HDAC9: variants seen among roughly 807,000 people sequenced by gnomAD.
The protein encoded by HDAC9 is histone deacetylase 9.
In HDAC9, 41 loss-of-function variants were observed where a neutral mutation model predicts 139.4. That is an observed-to-expected ratio of 0.29 (90% CI 0.23 to 0.38). The LOEUF is 0.38. Ranked by LOEUF, HDAC9 falls within the 10% of genes least tolerant of loss-of-function variation. The probability of loss-of-function intolerance (pLI) is 1.00; values close to 1 mark genes in which losing one functional copy is unlikely to be tolerated. For synonymous variants in HDAC9, 517 were observed against 476.2 expected (o/e 1.09, Z -1.12); for missense variants, 1,147 against 1,297.0 (o/e 0.88, Z 1.78).
chr7:18,250,920 CT>C (rs1794877667), intron 2 of HDAC9, among the ~76,000 whole-genome samples: 1 of 152,006 alleles, frequency 6.6e-6, no homozygotes, highest in Non-Finnish European at 1.5e-5. Context: ...TGTATGTCTT[CT>C]TTTGAAAAGT....
intron 24 of HDAC9, among the ~76,000 whole-genome samples, chr7:18,973,909 C>A (rs1014903538): frequency 2.4e-4 from 36 of 152,264 alleles, no homozygotes; most frequent in African/African-American, 8.2e-4. Flanking sequence ...CCAAAGGGAT[C>A]TTTTAAAAAC....
At chr7:18,970,758 G>A (rs1011917807) in intron 24 of HDAC9, among the ~76,000 whole-genome samples, 3 of 152,100 alleles carry the variant, frequency 2.0e-5, no homozygotes, top group African/African-American at 7.2e-5. Flanking sequence ...ATTTTCCTAT[G>A]AGAACCCGGT....
rs1786436693 is a variant in HDAC9, at chr7:18,996,012, T to C, written c.3171-11T>C. ...TTATGCCGTATTCTGATTGCCTGTT[T>C]ATTTTTACAGAACTGCTGGTGAGCC... is the stretch of plus-strand genomic sequence containing the variant. On this transcript the variant is annotated splice_polypyrimidine_tract_variant and intron_variant, in intron 25 of 25. Transcript: ENST00000686413. 1 of 1,595,180 alleles carries C rather than the reference T, an allele frequency of 6.3e-7. No individual in the cohort carries two copies.
At chr7:18,673,205 C>T (rs894083442) in intron 12 of HDAC9, among the ~76,000 whole-genome samples, 10 of 152,000 alleles carry the variant, frequency 6.6e-5, no homozygotes, top group African/African-American at 2.2e-4. Context: ...GTTGAGCCCA[C>T]GAGTTTGAGG....
At chr7:18,291,840 AG>A (rs1797829123) in intron 1 of HDAC9, among the ~76,000 whole-genome samples, 1 of 152,100 alleles carries the variant, frequency 6.6e-6, no homozygotes, top group Non-Finnish European at 1.5e-5. Flanking sequence ...CTAAGCTCAC[AG>A]AGCAAGGAGT....
chr7:18,602,152 TATTTAA>T (rs1834127170), intron 6 of HDAC9, among the ~76,000 whole-genome samples: 2 of 152,138 alleles, frequency 1.3e-5, no homozygotes, highest in Non-Finnish European at 2.9e-5. Context: ...GATATAGGCC[TATTTAA>T]ATTATGTTTT....
chr7:18,453,505 G>C (rs188255561), intron 1 of HDAC9, among the ~76,000 whole-genome samples: 2 of 152,286 alleles, frequency 1.3e-5, no homozygotes, highest in East Asian at 3.9e-4. Flanking sequence ...TGTTAAGAAA[G>C]AGGCTGAGGT....
chr7:18,913,482 A>G (rs951501111), intron 22 of HDAC9, among the ~76,000 whole-genome samples: 6 of 152,098 alleles, frequency 3.9e-5, no homozygotes, highest in Non-Finnish European at 8.8e-5. Flanking sequence ...TGACATAGCA[A>G]TACACAATTT....
intron 13 of HDAC9, among the ~76,000 whole-genome samples, chr7:18,743,965 CAG>C (rs1195215342): frequency 6.7e-6 from 1 of 149,164 alleles, no homozygotes; most frequent in Non-Finnish European, 1.5e-5. Context: ...TTTTCTTTAG[CAG>C]AGTTTTCAAA....
chr7:18,727,407 T>A (rs1459339644), intron 12 of HDAC9, among the ~76,000 whole-genome samples, 173 bp from the exon 13 acceptor site: 4 of 152,236 alleles, frequency 2.6e-5, no homozygotes, highest in Non-Finnish European at 5.9e-5. Context: ...TTGAATGGAT[T>A]TATTGACTGG....
chr7:18,398,268 T>G (rs1787230691), intron 1 of HDAC9, among the ~76,000 whole-genome samples: 1 of 152,204 alleles, frequency 6.6e-6, no homozygotes, highest in East Asian at 1.9e-4. Context: ...CTAGCATGAT[T>G]TAATAATGAA....
At chr7:18,559,189 C>T (rs979785815) in intron 2 of HDAC9, among the ~76,000 whole-genome samples, 1 of 152,162 alleles carries the variant, frequency 6.6e-6, no homozygotes, top group Non-Finnish European at 1.5e-5. Flanking sequence ...CTTCTGAATT[C>T]CAACTAGGTG....
At chr7:18,790,204 T>G (rs554754696) in intron 16 of HDAC9, among the ~76,000 whole-genome samples, 7 of 152,316 alleles carry the variant, frequency 4.6e-5, no homozygotes, top group Admixed American at 6.5e-5. Flanking sequence ...ATTTGACTTA[T>G]GAACAAGATT....
intron 1 of HDAC9, among the ~76,000 whole-genome samples, chr7:18,301,555 C>CT (rs1798542215): frequency 6.6e-6 from 1 of 151,996 alleles, no homozygotes; most frequent in South Asian, 2.1e-4. Context: ...TTATTACTAT[C>CT]TAAGTATTTA....
intron 12 of HDAC9, among the ~76,000 whole-genome samples, chr7:18,679,487 CCTTTCTTTTCTTTT>C (rs1184266186): frequency 6.6e-6 from 1 of 151,412 alleles, no homozygotes; most frequent in East Asian, 1.9e-4. Context: ...ACCCTCTCTC[CCTTTCTTTTCTTTT>C]CTTTCTTTTC....
At chr7:18,348,126 A>G (rs1585293381) in intron 1 of HDAC9, among the ~76,000 whole-genome samples, 1 of 152,152 alleles carries the variant, frequency 6.6e-6, no homozygotes, top group South Asian at 2.1e-4. Context: ...AGGCTGCTCC[A>G]CAAAATATTT....
chr7:18,296,237 C>T, intron 1 of HDAC9, among the ~76,000 whole-genome samples: 1 of 152,160 alleles, frequency 6.6e-6, no homozygotes, highest in Admixed American at 6.5e-5. Context: ...AGACTTCTTA[C>T]AGCAGAACTG....
chr7:18,322,677 T>C (rs1170030333), intron 1 of HDAC9, among the ~76,000 whole-genome samples: 1 of 152,170 alleles, frequency 6.6e-6, no homozygotes, highest in East Asian at 1.9e-4. Flanking sequence ...AAGGTGGTTT[T>C]CTTGTTAGGT....
Position 18,833,678 on chromosome 7 carries a change from G to C in HDAC9, c.2467-1789G>C, listed in dbSNP as rs73312692. ...ATTTGACTAAGTTATTTTTTTTCCTGATGATGTATGTCTTTAGCTGAAACA... is the reference window on the plus strand; with the variant it reads ...ATTTGACTAAGTTATTTTTTTTCCTCATGATGTATGTCTTTAGCTGAAACA... On this transcript the variant is annotated intron_variant, in intron 19 of 25. Transcript: ENST00000686413. Among the ~76,000 whole-genome samples, 47 of 152,058 alleles carry C rather than the reference G, an allele frequency of 3.1e-4. No homozygotes were observed. In the East Asian group the frequency reaches 7.3e-3, roughly 24 times the overall value.
Sources: gnomAD v4.1 joint callset for allele counts (sites outside exome capture counted in the v4.1 genomes callset) on GRCh38, gnomAD v4.1.1 for gene constraint, MANE v1.5 for transcripts, NCBI Gene and HGNC (gene_info 2026-07-23, HGNC 2026-07-21) for gene names.